GAN: variants seen among roughly 807,000 people sequenced by gnomAD.
The protein encoded by GAN is gigaxonin.
GAN carries 48 observed loss-of-function variants against 71.3 expected under a neutral mutation model. That is an observed-to-expected ratio of 0.67 (90% confidence interval 0.53 to 0.86). GAN has a LOEUF of 0.86. GAN is among the 40% of genes least tolerant of loss of function. The pLI is 0.00. For synonymous variants in GAN, 386 were observed against 276.8 expected, an observed-to-expected ratio of 1.39 and a Z score of -3.92; for missense variants, 928 against 770.1, an observed-to-expected ratio of 1.21 and a Z score of -2.43.
In GAN at chr16:81,382,958, A is replaced by G. The variant is rs778674364; in HGVS notation, c.*5362A>G. On this transcript the variant is annotated 3_prime_UTR_variant, in exon 11 of 11. Transcript: ENST00000648994. ...TAATGTATACAGTTTAGGAAAGTTT[A>G]TTCTTTTTTATTTTATTTTATTTTT... is the stretch of plus-strand genomic sequence containing the variant. 1 of 152,080 alleles carries G rather than the reference A, an allele frequency of 6.6e-6. No homozygotes were observed. The highest frequency in any genetic ancestry group is 1.5e-5 in the Non-Finnish European group (1 of 68,022). The allele number at this position is 152,080 out of a possible 1,614,324, so 9.4% of individuals were successfully genotyped here. A position where few individuals can be genotyped will look rare whatever the true frequency, so the allele number is the denominator to read the frequency against.
intron 1 of GAN, among the ~76,000 whole-genome samples, chr16:81,315,632 C>T (rs535310557): frequency 4.9e-4 from 74 of 152,250 alleles, no homozygotes; most frequent in African/African-American, 1.6e-3. Context: ...CGTCCTGGGC[C>T]GGCCGGGACC....
At chr16:81,323,120 A>C (rs1259353260) in intron 1 of GAN, among the ~76,000 whole-genome samples, 2 of 152,184 alleles carry the variant, frequency 1.3e-5, no homozygotes, top group Non-Finnish European at 2.9e-5. Flanking sequence ...TCCAGGGAAT[A>C]GTTTCCCACA....
At chr16:81,345,315 G>A (rs985413288) in intron 1 of GAN, among the ~76,000 whole-genome samples, 7 of 152,184 alleles carry the variant, frequency 4.6e-5, no homozygotes, top group South Asian at 4.2e-4. Context: ...TGTTTGATGC[G>A]GCACTATTCA....
chr16:81,361,266 C>T (rs892735460), intron 5 of GAN, among the ~76,000 whole-genome samples: 1 of 152,118 alleles, frequency 6.6e-6, no homozygotes, highest in East Asian at 1.9e-4. Flanking sequence ...GTAGCAATAA[C>T]TTTCTGCCTT....
chr16:81,353,211 A>G (rs908957836), intron 2 of GAN, among the ~76,000 whole-genome samples: 23 of 151,312 alleles, frequency 1.5e-4, no homozygotes, highest in Non-Finnish European at 3.1e-4. Flanking sequence ...GAATGGCGTG[A>G]ACCCCAGGGG....
intron 1 of GAN, among the ~76,000 whole-genome samples, chr16:81,335,723 G>A (rs1006222335): frequency 2.2e-5 from 3 of 136,288 alleles, no homozygotes; most frequent in East Asian, 4.6e-4. Context: ...CTCCAGCCTG[G>A]GCAACTGAAT....
chr16:81,346,593 G>A lies in GAN; in HGVS notation c.168-4990G>A, dbSNP rs1018505430. Among the ~76,000 whole-genome samples the A allele has an allele frequency of 4.6e-5, 7 of 152,344 alleles. No individual in the cohort carries two copies. The South Asian group carries it at 1.2e-3, about 27-fold the overall frequency. On this transcript the variant is annotated intron_variant, in intron 1 of 10. Transcript: ENST00000648994. ...ATCTAATGCCTGATGATCTGAGGTG[G>A]AACAGTTTTACCCTGAAACCATCCC... is the stretch of plus-strand genomic sequence containing the variant.
rs1910063005 is a variant in GAN, at chr16:81,344,821, CAGAATGGG to C, written c.168-6757_168-6750del. ...ACCCTCAGAGTGAACGGGCAACCTA[CAGAATGGG>C]AGAAAATTTTTGCAATCTATGCATC... On this transcript the variant is annotated intron_variant, in intron 1 of 10. Transcript: ENST00000648994. Among the ~76,000 whole-genome samples, 3 of 152,250 alleles carry C rather than the reference CAGAATGGG, an allele frequency of 2.0e-5. No individual in the cohort carries two copies. The South Asian group carries it at 6.2e-4, about 32-fold the overall frequency.
At chr16:81,353,494 T>C (rs17189030) in intron 2 of GAN, among the ~76,000 whole-genome samples, 2 of 152,154 alleles carry the variant, frequency 1.3e-5, no homozygotes, top group Admixed American at 6.5e-5. Flanking sequence ...CCATACTACT[T>C]TCCACATTTT....
chr16:81,388,810 A>G lies in GAN; in HGVS notation c.*11214A>G, dbSNP rs940544516. On this transcript the variant is annotated 3_prime_UTR_variant, in exon 11 of 11. Transcript: ENST00000648994. ...TTCAGCTCTGACTTAAAAACACACTATGTTCCAAATCGTTGTGGGATCGGA... is the reference window on the plus strand; with the variant it reads ...TTCAGCTCTGACTTAAAAACACACTGTGTTCCAAATCGTTGTGGGATCGGA... 3 of 152,170 alleles carry G rather than the reference A, an allele frequency of 2.0e-5. No individual in the cohort carries two copies. Among genetic ancestry groups the G allele is most frequent in the African/African-American group, 4.8e-5 (2 of 41,434 alleles). The allele number at this position is 152,170 out of a possible 1,614,324, so 9.4% of individuals were successfully genotyped here. A position where few individuals can be genotyped will look rare whatever the true frequency, so the allele number is the denominator to read the frequency against.
chr16:81,347,934 C>T (rs1910174336), intron 1 of GAN, among the ~76,000 whole-genome samples: 1 of 151,976 alleles, frequency 6.6e-6, no homozygotes, highest in East Asian at 1.9e-4. Context: ...GGGGACATTA[C>T]TTTTTTTCAG....
At chr16:81,350,496 T>C (rs186827040) in intron 1 of GAN, among the ~76,000 whole-genome samples, 1 of 149,130 alleles carries the variant, frequency 6.7e-6, no homozygotes, top group Non-Finnish European at 1.5e-5. Context: ...AATTTTTGTT[T>C]ATTTATTTAT....
chr16:81,372,101 C>T (rs1454009828), intron 9 of GAN: 4 of 152,254 alleles, frequency 2.6e-5, no homozygotes, highest in Non-Finnish European at 5.9e-5. Flanking sequence ...TCCCCTTCTA[C>T]TTCCCTGTCT....
chr16:81,318,841 C>T (rs1909130659), intron 1 of GAN, among the ~76,000 whole-genome samples: 1 of 152,206 alleles, frequency 6.6e-6, no homozygotes, highest in African/African-American at 2.4e-5. Flanking sequence ...GTAGAGAGAG[C>T]ACGTGTCATG....
At position 81,314,978 on chromosome 16, in the gene GAN, TC is replaced by T; in HGVS notation, c.-133del. ...GCGCGCCGCGGATAGCACAGGCACG[TC>T]CCGGGGGCTCCAGCTTCTGCTCAGA... On this transcript the variant is annotated 5_prime_UTR_variant, in exon 1 of 11. Coordinates refer to ENST00000648994, the MANE Select transcript of GAN (RefSeq NM_022041.4). The T allele has an allele frequency of 2.8e-6, 2 of 704,392 alleles. No individual in the cohort carries two copies. The allele number at this position is 704,392 out of a possible 1,614,324, so 43.6% of individuals were successfully genotyped here. A position where few individuals can be genotyped will look rare whatever the true frequency, so the allele number is the denominator to read the frequency against.
chr16:81,353,531 C>T (rs1238904975), intron 2 of GAN, among the ~76,000 whole-genome samples: 1 of 152,096 alleles, frequency 6.6e-6, no homozygotes, highest in Non-Finnish European at 1.5e-5. Flanking sequence ...AGATGATTGG[C>T]AATTATACTT....
chr16:81,322,006 C>G (rs774565219), intron 1 of GAN, among the ~76,000 whole-genome samples: 1 of 152,182 alleles, frequency 6.6e-6, no homozygotes, highest in African/African-American at 2.4e-5. Flanking sequence ...GACACTCTAC[C>G]AGAGTTCCTG....
At chr16:81,345,876 G>A (rs928850208) in intron 1 of GAN, among the ~76,000 whole-genome samples, 1 of 152,184 alleles carries the variant, frequency 6.6e-6, no homozygotes, top group Non-Finnish European at 1.5e-5. Context: ...GGGTGTAACC[G>A]TTCCACCTCA....
rs1214176751 is a variant in GAN at position 81,389,970 on chromosome 16, T to G, written c.*12374T>G. ...CAATCTGTTGAACATATCTGTGTTT[T>G]CTGACATGGGACCTGCAGAATAGTA... On this transcript the variant is annotated 3_prime_UTR_variant, in exon 11 of 11. Coordinates refer to ENST00000648994, the MANE Select transcript of GAN (RefSeq NM_022041.4). 1 of 152,248 alleles carries G rather than the reference T, an allele frequency of 6.6e-6. No individual in the cohort carries two copies. Among genetic ancestry groups the G allele is most frequent in the Non-Finnish European group, 1.5e-5 (1 of 68,034 alleles). The allele number at this position is 152,248 out of a possible 1,614,324, so 9.4% of individuals were successfully genotyped here.
Sources: allele counts gnomAD v4.1 joint callset (sites outside exome capture counted in the v4.1 genomes callset), GRCh38; gene constraint gnomAD v4.1.1; transcripts MANE v1.5; gene names NCBI Gene and HGNC (gene_info 2026-07-23, HGNC 2026-07-21).